The following EYS variants were observed in gnomAD, a reference collection of about 807,000 sequenced individuals.
EYS encodes protein eyes shut homolog.
A neutral mutation model predicts 282.1 loss-of-function variants in EYS; 250 were observed. The ratio of observed to expected loss-of-function variants is 0.89; its 90% confidence interval spans 0.80 to 0.98. The LOEUF (loss-of-function observed/expected upper bound fraction) is 0.98, where lower values mean the gene tolerates loss of function less well. Among genes scored for constraint, EYS ranks in the 50% least tolerant of loss-of-function variants. The probability of loss-of-function intolerance (pLI) is 0.00; values close to 1 mark genes in which losing one functional copy is unlikely to be tolerated. For missense variants in EYS, 4,016 were observed against 3,709.0 expected (o/e 1.08, Z -2.15); for synonymous variants, 1,355 against 1,282.9 (o/e 1.06, Z -1.20).
intron 12 of EYS, among the ~76,000 whole-genome samples, chr6:65,285,830 T>A (rs1004374736): frequency 2.0e-5 from 3 of 151,928 alleles, no homozygotes; most frequent in Admixed American, 6.6e-5. Context: ...AACTATATCA[T>A]TTAACTTATA....
chr6:64,207,818 C>T (rs1425440858), intron 31 of EYS, among the ~76,000 whole-genome samples: 4 of 152,048 alleles, frequency 2.6e-5, no homozygotes, highest in Admixed American at 6.6e-5. Flanking sequence ...CCACCACACC[C>T]GGCTAATTTT....
chr6:65,416,593 T>A (rs1767247895), intron 5 of EYS, among the ~76,000 whole-genome samples: 1 of 151,960 alleles, frequency 6.6e-6, no homozygotes, highest in Non-Finnish European at 1.5e-5. Context: ...CATAAAAAAA[T>A]CACAATGAAT....
chr6:65,042,104 TC>T (rs1772954667), intron 13 of EYS, among the ~76,000 whole-genome samples: 1 of 151,622 alleles, frequency 6.6e-6, no homozygotes, highest in African/African-American at 2.4e-5. Flanking sequence ...GAGTTACTGA[TC>T]AACTGACCCC....
chr6:64,647,995 C>A (rs896553004), intron 22 of EYS, among the ~76,000 whole-genome samples: 1 of 152,180 alleles, frequency 6.6e-6, no homozygotes, highest in Non-Finnish European at 1.5e-5. Flanking sequence ...TCATGCCAAT[C>A]GCCCTGTGAA....
intron 1 of EYS, among the ~76,000 whole-genome samples, chr6:65,701,074 G>C (rs1769656534): frequency 6.6e-6 from 1 of 152,080 alleles, no homozygotes; most frequent in Non-Finnish European, 1.5e-5. Context: ...CACCATCCTT[G>C]TATAGATCTT....
chr6:65,644,600 A>G (rs914374475), intron 1 of EYS, among the ~76,000 whole-genome samples: 2 of 152,218 alleles, frequency 1.3e-5, no homozygotes, highest in African/African-American at 4.8e-5. Flanking sequence ...ATCATTGCCT[A>G]GGCACATAGT....
At chr6:63,996,345 G>A (rs1201996066) in intron 34 of EYS, among the ~76,000 whole-genome samples, 1 of 151,968 alleles carries the variant, frequency 6.6e-6, no homozygotes, top group East Asian at 1.9e-4. Flanking sequence ...AATGACTATA[G>A]AGTTTCAGAT....
chr6:65,545,385 T>C (rs1330663466), intron 2 of EYS, among the ~76,000 whole-genome samples: 1 of 152,174 alleles, frequency 6.6e-6, no homozygotes, highest in Non-Finnish European at 1.5e-5. Flanking sequence ...AACATTTTTA[T>C]ACATGTTTAT....
chr6:65,416,804 C>A lies in EYS; in HGVS notation c.863-11437G>T, dbSNP rs115224543. 6.4e-3 allele frequency among the ~76,000 whole-genome samples: 977 copies of A among 152,026 alleles called. 13 individuals are homozygous for A. The highest frequency in any genetic ancestry group is 0.022 in the African/African-American group (934 of 41,542). ...GCTATTATACTCTTAGGATAGGCAACACAAAGACATCACCAAGTAGGATGA... is the reference window on the plus strand; with the variant it reads ...GCTATTATACTCTTAGGATAGGCAAAACAAAGACATCACCAAGTAGGATGA... On this transcript the variant is annotated intron_variant, in intron 5 of 42. Transcript: ENST00000503581.
At chr6:63,928,524 CTG>C (rs6149619) in intron 35 of EYS, among the ~76,000 whole-genome samples, 6,546 of 149,462 alleles carry the variant, frequency 0.044, 173 homozygotes, top group African/African-American at 0.073. Context: ...CACCTTTTGA[CTG>C]TGTGTGTGTG....
chr6:63,944,376 C>T (rs9342060), intron 35 of EYS, among the ~76,000 whole-genome samples: 6 of 152,134 alleles, frequency 3.9e-5, no homozygotes, highest in East Asian at 3.9e-4. Context: ...GTACATTTTA[C>T]GAAAGTGTAC....
At chr6:65,591,309 C>G (rs867868326) in intron 2 of EYS, among the ~76,000 whole-genome samples, 1 of 151,770 alleles carries the variant, frequency 6.6e-6, no homozygotes, top group Non-Finnish European at 1.5e-5. Flanking sequence ...ATCAATCCTC[C>G]CCCCTCAGCC....
Position 64,969,914 on chromosome 6 carries a change from T to C in EYS, c.2260-24000A>G, listed in dbSNP as rs1204428491. 2.0e-5 allele frequency among the ~76,000 whole-genome samples: 3 copies of C among 152,156 alleles called. No individual in the cohort carries two copies. The South Asian group carries it at 6.2e-4, about 32-fold the overall frequency. ...ATGTTACCTAAACTTTCCAATCTCA[T>C]ACTATGTAAAATTGCTTTAGATTGT... On this transcript the variant is annotated intron_variant, in intron 14 of 42. Coordinates refer to ENST00000503581, the MANE Select transcript of EYS (RefSeq NM_001142800.2).
At chr6:65,408,507 G>A (rs1766848188) in intron 5 of EYS, among the ~76,000 whole-genome samples, 1 of 151,914 alleles carries the variant, frequency 6.6e-6, no homozygotes, top group African/African-American at 2.4e-5. Flanking sequence ...CACATTTGTT[G>A]GCCTAATGTT....
intron 12 of EYS, among the ~76,000 whole-genome samples, chr6:65,161,692 T>G (rs1049457361): frequency 6.6e-6 from 1 of 151,138 alleles, no homozygotes; most frequent in Non-Finnish European, 1.5e-5. Context: ...CTGACAAAAT[T>G]TATGTGAAAG....
At chr6:64,219,748 A>G (rs1178987855) in intron 31 of EYS, among the ~76,000 whole-genome samples, 1 of 152,240 alleles carries the variant, frequency 6.6e-6, no homozygotes, top group Non-Finnish European at 1.5e-5. Context: ...TTACTGTGCC[A>G]CTATTCACAA....
intron 40 of EYS, among the ~76,000 whole-genome samples, chr6:63,774,889 T>G (rs1380672316): frequency 1.3e-5 from 1 of 74,952 alleles, no homozygotes; most frequent in Non-Finnish European, 2.6e-5. Context: ...ATTAAAGCAT[T>G]TTATTTACCT....
intron 15 of EYS, among the ~76,000 whole-genome samples, chr6:64,929,029 C>A: frequency 6.6e-6 from 1 of 152,092 alleles, no homozygotes; most frequent in Non-Finnish European, 1.5e-5. Flanking sequence ...CCCCAAAAGA[C>A]CTTGAGGTCC....
At chr6:64,498,801 C>CT (rs1776960110) in intron 26 of EYS, among the ~76,000 whole-genome samples, 1 of 152,172 alleles carries the variant, frequency 6.6e-6, no homozygotes. Flanking sequence ...TAAACTCATC[C>CT]TTTTTTATGG....
Sources: allele counts gnomAD v4.1 joint callset (sites outside exome capture counted in the v4.1 genomes callset), GRCh38; gene constraint gnomAD v4.1.1; transcripts MANE v1.5; gene names NCBI Gene and HGNC (gene_info 2026-07-23, HGNC 2026-07-21).